Variants in FAN1 observed in about 807,000 individuals in gnomAD.
FAN1 encodes the protein FANCD2 and FANCI associated nuclease 1, also known as fanconi-associated nuclease 1.
A neutral mutation model predicts 104.9 loss-of-function variants in FAN1; 91 were observed. The ratio of observed to expected loss-of-function variants is 0.87; its 90% CI spans 0.73 to 1.03. The LOEUF is 1.03. Ranked by LOEUF, FAN1 falls within the 50% of genes least tolerant of loss-of-function variation. FAN1 has a pLI of 0.00. For synonymous variants in FAN1, 478 were observed against 457.6 expected (o/e 1.04, Z -0.57); for missense variants, 1,263 against 1,239.9 (o/e 1.02, Z -0.28).
At chr15:30,907,536 A>C (rs2062009123) in intron 2 of FAN1, among the ~76,000 whole-genome samples, 1 of 151,904 alleles carries the variant, frequency 6.6e-6, no homozygotes, top group Admixed American at 6.6e-5. Context: ...ACAAAACAAA[A>C]ACAAAACAAA....
At chr15:30,906,631 C>T (rs755080769) in intron 2 of FAN1, 28 of 421,948 alleles carry the variant, frequency 6.6e-5, no homozygotes, top group African/African-American at 1.0e-4. Context: ...TAAAATGCGG[C>T]CATGTGTGAC....
rs957453518 is a variant in FAN1 at position 30,942,914 on chromosome 15, G to T, written c.*1352G>T. 4.5e-6 allele frequency: 7 copies of T among 1,567,326 alleles called. No homozygotes were observed. The Admixed American group carries it at 9.4e-5, about 21-fold the overall frequency. On this transcript the variant is annotated 3_prime_UTR_variant, in exon 15 of 15. Coordinates refer to ENST00000362065, the MANE Select transcript of FAN1 (RefSeq NM_014967.5). ...CCTTTGTCCGTTTAAAAGACTTCAC[G>T]GAGCCATTCTGTATACAAGGTGTGC...
intron 4 of FAN1, chr15:30,911,471 T>C (rs1323384700): frequency 3.0e-6 from 3 of 984,104 alleles, no homozygotes; most frequent in Non-Finnish European, 3.6e-6. Context: ...TCAGTTGTTA[T>C]GAGCCCATCC....
intron 5 of FAN1, 50 bp from the exon 6 acceptor site, chr15:30,918,114 C>G: frequency 6.2e-7 from 1 of 1,604,198 alleles, no homozygotes; most frequent in South Asian, 1.1e-5. Flanking sequence ...TGTGGTCATT[C>G]TATGGGAATG....
In FAN1 at chr15:30,942,375, G is replaced by GT; in HGVS notation, c.*813_*814insT. 1 of 440,326 alleles carries GT rather than the reference G, an allele frequency of 2.3e-6. No individual in the cohort carries two copies. Among genetic ancestry groups the GT allele is most frequent in the Non-Finnish European group, 4.0e-6 (1 of 248,220 alleles). 27.3% of individuals were successfully genotyped at this position (440,326 alleles called of 1,614,324 possible). On this transcript the variant is annotated 3_prime_UTR_variant, in exon 15 of 15. Transcript: ENST00000362065. ...CGGGCTAGAAAAAACACTAGACCTGGCCGATTCTATCAAGAACAATGGCAA... is the reference window on the plus strand; with the variant it reads ...CGGGCTAGAAAAAACACTAGACCTGGTCCGATTCTATCAAGAACAATGGCAA...
In FAN1 at chr15:30,930,530, GTT is replaced by G; in HGVS notation, c.2788-10_2788-9del. ...CGAGGGAAGTGGCTAACTGTCCTGT[GTT>G]TTGTGTTCAGGATCTTGTCTCCTGC... On this transcript the variant is annotated splice_polypyrimidine_tract_variant and intron_variant, in intron 12 of 14. Coordinates refer to ENST00000362065, the MANE Select transcript of FAN1 (RefSeq NM_014967.5). The G allele has an allele frequency of 6.3e-7, 1 of 1,585,564 alleles. No homozygotes were observed. Among genetic ancestry groups the G allele is most frequent in the Middle Eastern group, 1.7e-4 (1 of 5,956 alleles).
At chr15:30,917,398 A>G (rs546296023) in intron 5 of FAN1, among the ~76,000 whole-genome samples, 3 of 152,330 alleles carry the variant, frequency 2.0e-5, no homozygotes, top group African/African-American at 7.2e-5. Context: ...GTTTGAAGCC[A>G]TGGAACTGAA....
intron 3 of FAN1, 62 bp downstream of exon 3, chr15:30,908,320 A>C: frequency 7.0e-7 from 1 of 1,425,384 alleles, no homozygotes; most frequent in Non-Finnish European, 9.4e-7. Context: ...GCTTCTGCAG[A>C]ATGATGGCAG....
At chr15:30,924,692 C>A (rs945656897) in intron 8 of FAN1, among the ~76,000 whole-genome samples, 1 of 152,144 alleles carries the variant, frequency 6.6e-6, no homozygotes, top group Non-Finnish European at 1.5e-5. Context: ...ATTGACCTGG[C>A]GCTTTGATGT....
At chr15:30,920,891 C>G (rs1488805420) in intron 7 of FAN1, among the ~76,000 whole-genome samples, 1 of 152,228 alleles carries the variant, frequency 6.6e-6, no homozygotes. Flanking sequence ...TCAAGTCATC[C>G]TCTCACCTCA....
At chr15:30,907,749 G>A (rs1200884259) in intron 2 of FAN1, among the ~76,000 whole-genome samples, 1 of 152,148 alleles carries the variant, frequency 6.6e-6, no homozygotes, top group African/African-American at 2.4e-5. Context: ...AAGATTGCTG[G>A]GTTAGAGATG....
chr15:30,938,200 A>G (rs1404530985), intron 14 of FAN1, among the ~76,000 whole-genome samples: 1 of 151,996 alleles, frequency 6.6e-6, no homozygotes, highest in African/African-American at 2.4e-5. Flanking sequence ...AAAAAAATTT[A>G]AAAACTAGCA....
intron 3 of FAN1, 88 bp downstream of exon 3, chr15:30,908,346 C>T (rs1394559888): frequency 2.6e-6 from 3 of 1,152,460 alleles, no homozygotes; most frequent in Non-Finnish European, 3.6e-6. Context: ...TTATGGTGCC[C>T]TCCCCGGGGT....
intron 10 of FAN1, chr15:30,926,717 G>A (rs2062472494): frequency 1.4e-5 from 14 of 985,328 alleles, no homozygotes; most frequent in African/African-American, 3.5e-5. Context: ...TCAAGGCCCC[G>A]AGAGACGTGG....
intron 13 of FAN1, among the ~76,000 whole-genome samples, chr15:30,935,008 T>C (rs1366955752): frequency 7.1e-6 from 1 of 140,872 alleles, no homozygotes; most frequent in Non-Finnish European, 1.6e-5. Context: ...GGTTTCTGTG[T>C]AGTCTCATTC....
At chr15:30,928,004 C>T (rs920491285) in intron 10 of FAN1, 8 of 985,754 alleles carry the variant, frequency 8.1e-6, no homozygotes, top group East Asian at 1.1e-4. Flanking sequence ...CCTTGACTAT[C>T]GGAAGCACTG....
Position 30,937,319 on chromosome 15 carries a change from T to A in FAN1, c.*3+60T>A, listed in dbSNP as rs73366503. On this transcript the variant is annotated intron_variant, in intron 14 of 14. Coordinates refer to ENST00000362065, the MANE Select transcript of FAN1 (RefSeq NM_014967.5). The stretch of plus-strand genomic sequence containing the variant: ...GTAAGATTTTCAAGAGTATAAAACA[T>A]GTTTTATTTAATTTTGTTATCGTGC... The A allele has an allele frequency of 4.1e-3, 6,216 of 1,500,826 alleles. 208 individuals carry two copies. The African/African-American group carries it at 0.076, about 18-fold the overall frequency. The allele number at this position is 1,500,826 out of a possible 1,614,324, so 93.0% of individuals were successfully genotyped here.
At position 30,941,581 on chromosome 15, in the gene FAN1, A is replaced by G. The variant is rs753497152; in HGVS notation, c.*19A>G. The G allele has an allele frequency of 1.2e-6, 2 of 1,600,068 alleles. No individual in the cohort carries two copies. Among genetic ancestry groups the G allele is most frequent in the African/African-American group, 2.7e-5 (2 of 74,670 alleles). On this transcript the variant is annotated 3_prime_UTR_variant, in exon 15 of 15. Coordinates refer to ENST00000362065, the MANE Select transcript of FAN1 (RefSeq NM_014967.5). Reference sequence around the variant, plus strand: ...GTCTGCACAGATTCCCTACAGGAGAAAATGGAAATGAGGAGGAGAGAAACT... The same window carrying G: ...GTCTGCACAGATTCCCTACAGGAGAGAATGGAAATGAGGAGGAGAGAAACT...
chr15:30,927,164 G>C lies in FAN1; in HGVS notation c.2488+1225G>C, dbSNP rs949379193. 3.2e-6 allele frequency: 3 copies of C among 946,706 alleles called. No individual in the cohort carries two copies. In the African/African-American group the frequency reaches 5.3e-5, roughly 17 times the overall value. 58.6% of individuals were successfully genotyped at this position (946,706 alleles called of 1,614,324 possible). A position where few individuals can be genotyped will look rare whatever the true frequency, so the allele number is the denominator to read the frequency against. ...GTCAAGGCTGCAGTGAGCCAAGATT[G>C]TGCCACTGCACTCCAGTCTGGGTGA... On this transcript the variant is annotated intron_variant, in intron 10 of 14. Coordinates refer to ENST00000362065, the MANE Select transcript of FAN1 (RefSeq NM_014967.5).
Sources: gnomAD v4.1 joint callset for allele counts (sites outside exome capture counted in the v4.1 genomes callset) on GRCh38, gnomAD v4.1.1 for gene constraint, MANE v1.5 for transcripts, NCBI Gene and HGNC (gene_info 2026-07-23, HGNC 2026-07-21) for gene names.